The following LRIG3 variants were observed in gnomAD, a reference collection of about 807,000 sequenced individuals.
The protein encoded by LRIG3 is leucine rich repeats and immunoglobulin like domains 3.
LRIG3 carries 76 observed loss-of-function variants against 114.5 expected under a neutral mutation model. The observed-to-expected ratio is 0.66, with a 90% CI of 0.55 to 0.80. The LOEUF is 0.80. LRIG3 is among the 30% of genes least tolerant of loss of function. LRIG3 has a pLI of 0.00. For synonymous variants in LRIG3, 512 were observed against 519.8 expected (o/e 0.98, Z 0.20); for missense variants, 1,239 against 1,382.8 (o/e 0.90, Z 1.65).
rs1565616461 is a variant in LRIG3 at position 58,886,805 on chromosome 12, C to T, written c.1172+5G>A. On this transcript the variant is annotated splice_donor_5th_base_variant and intron_variant, in intron 9 of 18. Transcript: ENST00000320743. Reference sequence around the variant, plus strand: ...GAGCTAAATTATGAGGCAATTCATACTCACAGTCGCCTCAGTTTGTCAAGC... The same window carrying T: ...GAGCTAAATTATGAGGCAATTCATATTCACAGTCGCCTCAGTTTGTCAAGC... The T allele has an allele frequency of 1.9e-6, 3 of 1,612,320 alleles. No individual in the cohort carries two copies. Among genetic ancestry groups the T allele is most frequent in the South Asian group, 1.1e-5 (1 of 90,994 alleles).
At chr12:58,891,950 T>C (rs1379611419) in intron 3 of LRIG3, among the ~76,000 whole-genome samples, 1 of 151,956 alleles carries the variant, frequency 6.6e-6, no homozygotes, top group African/African-American at 2.4e-5. Context: ...CTGGTAGCTA[T>C]CAAATGGTAC....
intron 3 of LRIG3, among the ~76,000 whole-genome samples, chr12:58,898,609 C>A (rs1479477396): frequency 6.6e-6 from 1 of 151,390 alleles, no homozygotes; most frequent in African/African-American, 2.4e-5. Context: ...TTGAAAATAT[C>A]TTTACAGGAC....
rs1429190602 is a variant in LRIG3 at position 58,877,588 on chromosome 12, C to G, written c.2348G>C (p.Ser783Thr). The change falls in exon 15 of 19, where the codon AGT (serine) becomes ACT (threonine). Residue 783 changes from serine (S) to threonine (T), a missense_variant. Coordinates refer to ENST00000320743, the MANE Select transcript of LRIG3 (RefSeq NM_153377.5). ...GTCGCAGGTTGGAGTGGGGATCACA[C>G]TGAGGCGCACGTTTCCTCTCTCAGT... ...LGTERGNVRL[S>T]VIPTPTCDSP... 1 of 1,614,222 alleles carries G rather than the reference C, an allele frequency of 6.2e-7. No individual in the cohort carries two copies. Among genetic ancestry groups the G allele is most frequent in the South Asian group, 1.1e-5 (1 of 91,086 alleles).
intron 16 of LRIG3, 127 bp from the exon 17 acceptor site, chr12:58,874,700 G>A: frequency 7.9e-7 from 1 of 1,264,894 alleles, no homozygotes; most frequent in Non-Finnish European, 1.1e-6. Flanking sequence ...CAAAAAAATT[G>A]CAAAAATTTA....
At chr12:58,897,415 A>C (rs988515836) in intron 3 of LRIG3, among the ~76,000 whole-genome samples, 2 of 151,788 alleles carry the variant, frequency 1.3e-5, no homozygotes, top group Admixed American at 1.3e-4. Flanking sequence ...TCAGTGTCTT[A>C]TTCATGCACC....
chr12:58,905,954 T>A (rs1394950280), intron 3 of LRIG3, among the ~76,000 whole-genome samples: 1 of 152,224 alleles, frequency 6.6e-6, no homozygotes, highest in Admixed American at 6.5e-5. Flanking sequence ...TATTCTGTTA[T>A]AAGCACAGAA....
In LRIG3 at chr12:58,877,445, A is replaced by G. The variant is rs372026653; in HGVS notation, c.2491T>C (p.Tyr831His). The stretch of plus-strand genomic sequence containing the variant: ...TCTTCATTCCTCCGCCTTGTGTGGT[A>G]TATGATGACCACCCACACGAGTGAC... ...GTSLVWVVII[Y>H]HTRRRNEDCS... Residue 831 changes from tyrosine to histidine, a missense_variant, in exon 15 of 19, where the codon TAC (tyrosine) becomes CAC (histidine). Transcript: ENST00000320743. 7.4e-6 allele frequency: 12 copies of G among 1,614,030 alleles called. No homozygotes were observed. The highest frequency in any genetic ancestry group is 9.3e-6 in the Non-Finnish European group (11 of 1,180,002).
At chr12:58,909,874 A>G (rs992727215) in intron 3 of LRIG3, among the ~76,000 whole-genome samples, 8 of 152,190 alleles carry the variant, frequency 5.3e-5, no homozygotes, top group Non-Finnish European at 1.2e-4. Context: ...CATGTGGTTT[A>G]ATTATCTGCC....
Position 58,874,182 on chromosome 12 carries a change from C to T in LRIG3, c.2988G>A (p.Lys996=). The change falls in exon 18 of 19, where the codon AAG becomes AAA. Residue 996 remains lysine (K), a synonymous_variant. Transcript: ENST00000320743. ...TGTGAGAGTAACTAGTGTTAAGTAG[C>T]TTCCTCACATGTGAAGGCCACGATA... The part of the protein sequence containing the change: ...SNISWPSHVR[K]LLNTSYSHNE... 1 of 1,614,180 alleles carries T rather than the reference C, an allele frequency of 6.2e-7. No homozygotes were observed. Among genetic ancestry groups the T allele is most frequent in the Non-Finnish European group, 8.5e-7 (1 of 1,180,024 alleles).
At chr12:58,880,331 G>C in intron 13 of LRIG3, 1 of 590,182 alleles carries the variant, frequency 1.7e-6, no homozygotes, top group Non-Finnish European at 3.0e-6. Flanking sequence ...AAAAAAAAAA[G>C]AGCAAAAACA....
chr12:58,898,830 T>C (rs1871738869), intron 3 of LRIG3, among the ~76,000 whole-genome samples: 2 of 151,960 alleles, frequency 1.3e-5, no homozygotes, highest in African/African-American at 4.8e-5. Flanking sequence ...AGCTAATTTT[T>C]GTATTTTTAG....
At chr12:58,909,079 C>T (rs1565623312) in intron 3 of LRIG3, among the ~76,000 whole-genome samples, 1 of 152,214 alleles carries the variant, frequency 6.6e-6, no homozygotes, top group African/African-American at 2.4e-5. Flanking sequence ...GTATCTTCCT[C>T]CTGGCAAGCC....
At position 58,888,839 on chromosome 12, in the gene LRIG3, C is replaced by G; in HGVS notation, c.783G>C (p.Gly261=). ...VTKLMDGAFW[G]LSNMEILQLD... is the part of the protein sequence containing the mutation. ...CTTACAAAATTTCCATGTTGCTCAGCCCCCAAAAAGCTCCATCCATAAGTT... is the reference window on the plus strand; with the variant it reads ...CTTACAAAATTTCCATGTTGCTCAGGCCCCAAAAAGCTCCATCCATAAGTT... Residue 261 remains glycine (G), a synonymous_variant, in exon 6 of 19, where the codon GGG becomes GGC. Transcript: ENST00000320743. 1 of 1,613,664 alleles carries G rather than the reference C, an allele frequency of 6.2e-7. No homozygotes were observed. The highest frequency in any genetic ancestry group is 1.1e-5 in the South Asian group (1 of 91,038).
At chr12:58,898,831 GTAT>G (rs1871738962) in intron 3 of LRIG3, among the ~76,000 whole-genome samples, 1 of 152,054 alleles carries the variant, frequency 6.6e-6, no homozygotes, top group Non-Finnish European at 1.5e-5. Context: ...GCTAATTTTT[GTAT>G]TTTTAGTAGA....
At chr12:58,879,994 C>A (rs1871064553) in intron 13 of LRIG3, among the ~76,000 whole-genome samples, 1 of 152,106 alleles carries the variant, frequency 6.6e-6, no homozygotes, top group Non-Finnish European at 1.5e-5. Context: ...ACTGTAAACT[C>A]TCAAAGAGGA....
chr12:58,901,345 C>T (rs748234367), intron 3 of LRIG3, among the ~76,000 whole-genome samples: 22 of 152,182 alleles, frequency 1.4e-4, no homozygotes, highest in Admixed American at 1.1e-3. Context: ...ATAAGTCAGA[C>T]CACATCTCAG....
chr12:58,899,826 G>A (rs111645098), intron 3 of LRIG3, among the ~76,000 whole-genome samples: 16 of 152,182 alleles, frequency 1.1e-4, no homozygotes, highest in African/African-American at 3.9e-4. Flanking sequence ...GGTGAAGGAG[G>A]GACCTATTTT....
rs894251605 is a variant in LRIG3 at position 58,883,038 on chromosome 12, G to A, written c.1317-6C>T. 1.2e-6 allele frequency: 2 copies of A among 1,604,078 alleles called. No individual in the cohort carries two copies. The highest frequency in any genetic ancestry group is 2.2e-5 in the South Asian group (2 of 89,648). ...GGCTTGATGTATTTAAATGCCTGAG[G>A]AGAGTAATTACATTCAATTTGTTCT... On this transcript the variant is annotated splice_polypyrimidine_tract_variant and splice_region_variant and intron_variant, in intron 11 of 18. Coordinates refer to ENST00000320743, the MANE Select transcript of LRIG3 (RefSeq NM_153377.5).
Position 58,892,811 on chromosome 12 carries a change from C to T in LRIG3, c.384-2015G>A, listed in dbSNP as rs113352986. Among the ~76,000 whole-genome samples, 261 of 152,282 alleles carry T rather than the reference C, an allele frequency of 1.7e-3. 2 individuals are homozygous for T. Among genetic ancestry groups the T allele is most frequent in the African/African-American group, 5.5e-3 (228 of 41,550 alleles). On this transcript the variant is annotated intron_variant, in intron 3 of 18. Coordinates refer to ENST00000320743, the MANE Select transcript of LRIG3 (RefSeq NM_153377.5). ...TTCACCTAACAAGTTCAAGCATTCC[C>T]GAGCCAGCTCAAAGAACAAGTCTGA... is the stretch of plus-strand genomic sequence containing the variant.
Sources: allele counts gnomAD v4.1 joint callset (sites outside exome capture counted in the v4.1 genomes callset), GRCh38; gene constraint gnomAD v4.1.1; transcripts MANE v1.5; gene names NCBI Gene and HGNC (gene_info 2026-07-23, HGNC 2026-07-21).